Variants in SUSD4 observed in about 807,000 individuals in gnomAD.
SUSD4 encodes sushi domain-containing protein 4.
A neutral mutation model predicts 50.5 loss-of-function variants in SUSD4; 41 were observed. The ratio of observed to expected loss-of-function variants is 0.81; its 90% confidence interval spans 0.63 to 1.05. The LOEUF is 1.05. SUSD4 is among the 50% of genes least tolerant of loss of function. The pLI is 0.00. For missense variants in SUSD4, 580 were observed against 634.7 expected (o/e 0.91, Z 0.93); for synonymous variants, 257 against 257.3 (o/e 1.00, Z 0.01).
chr1:223,268,047 A>ATATATATATATATG (rs1558197309), intron 4 of SUSD4, among the ~76,000 whole-genome samples: 1 of 59,710 alleles, frequency 1.7e-5, no homozygotes, highest in African/African-American at 5.1e-5. Flanking sequence ...ATATATACAC[A>ATATATATATATATG]CACACTGTTA....
intron 2 of SUSD4, among the ~76,000 whole-genome samples, chr1:223,344,037 A>C (rs1294604840): frequency 4.6e-5 from 7 of 152,240 alleles, no homozygotes; most frequent in African/African-American, 1.7e-4. Context: ...GGAAAACCTG[A>C]GACTTCCACT....
rs1659112406 is a variant in SUSD4, at chr1:223,221,043, G to T, written c.*1149C>A. The T allele has an allele frequency of 2.5e-6, 1 of 400,812 alleles. No individual in the cohort carries two copies. The highest frequency in any genetic ancestry group is 4.4e-6 in the Non-Finnish European group (1 of 226,248). 24.8% of individuals were successfully genotyped at this position (400,812 alleles called of 1,614,324 possible). ...CTTTGGGAAATTTTTTAATCAATCA[G>T]TTTCTTAGGAACAACACCCAGTGGG... On this transcript the variant is annotated 3_prime_UTR_variant, in exon 9 of 9. Transcript: ENST00000366878.
intron 5 of SUSD4, among the ~76,000 whole-genome samples, chr1:223,232,442 G>A (rs536907292): frequency 6.6e-6 from 1 of 152,230 alleles, no homozygotes; most frequent in Non-Finnish European, 1.5e-5. Context: ...ACACAGAGCA[G>A]GAAGGCACTT....
chr1:223,309,560 C>T (rs1665749799), intron 2 of SUSD4, among the ~76,000 whole-genome samples: 1 of 152,122 alleles, frequency 6.6e-6, no homozygotes, highest in Non-Finnish European at 1.5e-5. Flanking sequence ...AACCTGAGCC[C>T]TCTCACTATA....
chr1:223,248,956 A>G (rs1413833515), intron 5 of SUSD4, among the ~76,000 whole-genome samples: 6 of 152,020 alleles, frequency 3.9e-5, no homozygotes, highest in Non-Finnish European at 8.8e-5. Context: ...CAAACCCGTG[A>G]TTTCCTCTGA....
At chr1:223,316,586 C>T (rs996541985) in intron 2 of SUSD4, among the ~76,000 whole-genome samples, 1 of 152,116 alleles carries the variant, frequency 6.6e-6, no homozygotes, top group African/African-American at 2.4e-5. Context: ...ATGAGTCTGT[C>T]CCAGAATGCT....
chr1:223,229,140 T>A lies in SUSD4; in HGVS notation c.916+57A>T, dbSNP rs2102998998. The A allele has an allele frequency of 1.3e-6, 2 of 1,502,592 alleles. No individual in the cohort carries two copies. The highest frequency in any genetic ancestry group is 1.8e-6 in the Non-Finnish European group (2 of 1,100,804). The allele number at this position is 1,502,592 out of a possible 1,614,324, so 93.1% of individuals were successfully genotyped here. ...CTTGGTACATAACCACCACCCACTATGTGCAGATGGTCCAAGGAGGGTCCA... is the reference window on the plus strand; with the variant it reads ...CTTGGTACATAACCACCACCCACTAAGTGCAGATGGTCCAAGGAGGGTCCA... On this transcript the variant is annotated intron_variant, in intron 6 of 8. Transcript: ENST00000366878. The surrounding 1 kb of genome is among the most constrained non-coding windows in gnomAD (Gnocchi z 4.7).
chr1:223,341,352 A>T lies in SUSD4; in HGVS notation c.148+21926T>A, dbSNP rs187042484. Reference sequence around the variant, plus strand: ...CAGCCTCCACCAGAGCATAGCGGACAGCTTAAAAATAGCAAAGCCACGGCT... The same window carrying T: ...CAGCCTCCACCAGAGCATAGCGGACTGCTTAAAAATAGCAAAGCCACGGCT... On this transcript the variant is annotated intron_variant, in intron 2 of 8. Transcript: ENST00000366878. Among the ~76,000 whole-genome samples the T allele has an allele frequency of 4.9e-4, 74 of 152,350 alleles. No homozygotes were observed. The Middle Eastern group carries it at 0.02, about 42-fold the overall frequency.
At chr1:223,281,205 A>G (rs1663699407) in intron 3 of SUSD4, among the ~76,000 whole-genome samples, 1 of 152,228 alleles carries the variant, frequency 6.6e-6, no homozygotes, top group African/African-American at 2.4e-5. Flanking sequence ...AACACATTCA[A>G]AAGCTAGCAG....
At chr1:223,265,200 T>A (rs1162864719) in intron 4 of SUSD4, among the ~76,000 whole-genome samples, 1 of 152,146 alleles carries the variant, frequency 6.6e-6, no homozygotes, top group Non-Finnish European at 1.5e-5. Context: ...GAGGACAGGT[T>A]GAGAATCACC....
intron 3 of SUSD4, among the ~76,000 whole-genome samples, chr1:223,278,029 T>G (rs757596426): frequency 7.2e-5 from 11 of 152,304 alleles, no homozygotes; most frequent in Non-Finnish European, 1.6e-4. Context: ...GAATATGTAC[T>G]TTTCCTAAGT....
intron 2 of SUSD4, among the ~76,000 whole-genome samples, chr1:223,308,309 TTG>T (rs1236947467): frequency 2.0e-5 from 3 of 152,080 alleles, no homozygotes; most frequent in African/African-American, 7.2e-5. Context: ...TGAGATGTGG[TTG>T]TTTTAAAGTG....
At chr1:223,271,750 G>A (rs1662934935) in intron 3 of SUSD4, among the ~76,000 whole-genome samples, 1 of 152,114 alleles carries the variant, frequency 6.6e-6, no homozygotes, top group East Asian at 1.9e-4. Flanking sequence ...GTAGGAAGAA[G>A]GTATCTAGAA....
intron 2 of SUSD4, among the ~76,000 whole-genome samples, chr1:223,330,293 G>A (rs552654996): frequency 6.6e-6 from 1 of 152,300 alleles, no homozygotes; most frequent in South Asian, 2.1e-4. Flanking sequence ...TGAAGGGCTA[G>A]ATTTCCAGCT....
At chr1:223,269,731 A>T (rs1184647909) in intron 3 of SUSD4, among the ~76,000 whole-genome samples, 1 of 152,234 alleles carries the variant, frequency 6.6e-6, no homozygotes, top group Non-Finnish European at 1.5e-5. Context: ...CAAGAACAGC[A>T]TTTTGTGAAT....
At chr1:223,233,499 C>T (rs141779618) in intron 5 of SUSD4, among the ~76,000 whole-genome samples, 1 of 152,204 alleles carries the variant, frequency 6.6e-6, no homozygotes, top group Non-Finnish European at 1.5e-5. Context: ...AGTACTGCTA[C>T]TGTCTCCTCT....
At chr1:223,242,028 A>G (rs1475988637) in intron 5 of SUSD4, among the ~76,000 whole-genome samples, 1 of 151,994 alleles carries the variant, frequency 6.6e-6, no homozygotes, top group African/African-American at 2.4e-5. Context: ...TGCAGCCTCA[A>G]CCTCCTGGGC....
At chr1:223,255,536 C>A (rs1661624697) in intron 5 of SUSD4, among the ~76,000 whole-genome samples, 1 of 152,086 alleles carries the variant, frequency 6.6e-6, no homozygotes, top group Non-Finnish European at 1.5e-5. Flanking sequence ...TAAAACAGAG[C>A]CATTGGGGCT....
intron 2 of SUSD4, among the ~76,000 whole-genome samples, chr1:223,310,444 T>C (rs1219277173): frequency 6.6e-6 from 1 of 152,204 alleles, no homozygotes; most frequent in East Asian, 1.9e-4. Context: ...AACTATGTTT[T>C]TGAAGATTTG....
Sources: allele counts gnomAD v4.1 joint callset (sites outside exome capture counted in the v4.1 genomes callset), GRCh38; gene constraint gnomAD v4.1.1; non-coding constraint Gnocchi (gnomAD v3.1); transcripts MANE v1.5; gene names NCBI Gene and HGNC (gene_info 2026-07-23, HGNC 2026-07-21).